Variants in USP14 observed in about 807,000 individuals in gnomAD.
USP14 encodes ubiquitin carboxyl-terminal hydrolase 14.
Under a neutral mutation model 76.5 loss-of-function variants are expected in USP14, and 38 were observed. That is an observed-to-expected ratio of 0.50 (90% confidence interval 0.38 to 0.65). The LOEUF (loss-of-function observed/expected upper bound fraction) is 0.65, where lower values mean the gene tolerates loss of function less well. Ranked by LOEUF, USP14 falls within the 30% of genes least tolerant of loss-of-function variation. The probability of loss-of-function intolerance (pLI) is 0.00; values close to 1 mark genes in which losing one functional copy is unlikely to be tolerated. For missense variants in USP14, 467 were observed against 586.5 expected (o/e 0.80, Z 2.10); for synonymous variants, 192 against 191.7 (o/e 1.00, Z -0.01).
At position 203,172 on chromosome 18, in the gene USP14, G is replaced by T; in HGVS notation, c.1017G>T (p.Val339=). The change falls in exon 12 of 16, where the codon GTG becomes GTT. Residue 339 remains valine, a synonymous_variant. Transcript: ENST00000261601. ...VRFFYKEKES[V]NAKVLKDVKF... ...TTTTTTATAAAGAGAAGGAATCTGT[G>T]AATGCCAAAGTTCTTAAGGTTAGTA... The T allele has an allele frequency of 6.2e-7, 1 of 1,613,820 alleles. No homozygotes were observed. Among genetic ancestry groups the T allele is most frequent in the South Asian group, 1.1e-5 (1 of 90,966 alleles).
chr18:159,182 C>T (rs1358976777), intron 1 of USP14, among the ~76,000 whole-genome samples: 1 of 152,162 alleles, frequency 6.6e-6, no homozygotes, highest in Non-Finnish European at 1.5e-5. Flanking sequence ...CTTCGCCCTT[C>T]TCTTGCCCCT....
chr18:179,231 C>T (rs1384219226), intron 4 of USP14, among the ~76,000 whole-genome samples, 194 bp downstream of exon 4: 1 of 152,044 alleles, frequency 6.6e-6, no homozygotes, highest in Non-Finnish European at 1.5e-5. Flanking sequence ...AAATAAGGCA[C>T]AGCTAGGGGT....
chr18:208,333 T>C (rs1326906322), intron 13 of USP14, among the ~76,000 whole-genome samples: 1 of 152,176 alleles, frequency 6.6e-6, no homozygotes, highest in Non-Finnish European at 1.5e-5. Flanking sequence ...GTAGAGTGTT[T>C]AGTGAGTGAG....
intron 7 of USP14, 127 bp downstream of exon 7, chr18:196,894 C>A: frequency 8.0e-7 from 1 of 1,248,914 alleles, no homozygotes; most frequent in Non-Finnish European, 1.1e-6. Context: ...ACGGCTGTCT[C>A]TTGCCTGGAG....
At chr18:203,273 T>G in intron 12 of USP14, 83 bp downstream of exon 12, 1 of 1,236,362 alleles carries the variant, frequency 8.1e-7, no homozygotes, top group Non-Finnish European at 1.2e-6. Context: ...ATTATTCCTT[T>G]AGGAATAGTT....
chr18:208,841 G>A (rs1910596032), intron 13 of USP14, among the ~76,000 whole-genome samples: 1 of 152,100 alleles, frequency 6.6e-6, no homozygotes, highest in African/African-American at 2.4e-5. Context: ...TGCCTCCTGG[G>A]TTCAAGCAAT....
chr18:197,500 T>C, intron 7 of USP14, 116 bp from the exon 8 acceptor site: 1 of 729,050 alleles, frequency 1.4e-6, no homozygotes, highest in Non-Finnish European at 2.3e-6. Flanking sequence ...TTATTTGGCT[T>C]AATATTTTTA....
At chr18:186,962 G>A (rs1325014534) in intron 5 of USP14, among the ~76,000 whole-genome samples, 1 of 152,130 alleles carries the variant, frequency 6.6e-6, no homozygotes, top group Non-Finnish European at 1.5e-5. Context: ...TGGAGTTAGT[G>A]GGTTAATAAA....
intron 2 of USP14, among the ~76,000 whole-genome samples, chr18:163,902 CTA>C (rs1273392139): frequency 2.0e-5 from 3 of 151,212 alleles, no homozygotes. Context: ...GTCTATGTGT[CTA>C]TGTGTTCTCA....
intron 5 of USP14, among the ~76,000 whole-genome samples, chr18:185,049 T>TA (rs1284414045): frequency 1.3e-5 from 2 of 152,216 alleles, no homozygotes; most frequent in Non-Finnish European, 2.9e-5. Flanking sequence ...CAAAAGACAG[T>TA]ATCACATGGC....
chr18:180,305 C>G lies in USP14; in HGVS notation c.370C>G (p.Arg124Gly), dbSNP rs868742729. The change falls in exon 5 of 16, where the codon CGT (arginine) becomes GGT (glycine). Residue 124 changes from arginine to glycine, a missense_variant. By Grantham distance (125) the Arg-to-Gly change is moderately radical. Coordinates refer to ENST00000261601, the MANE Select transcript of USP14 (RefSeq NM_005151.4). ...CATGAATGCCACAGTTCAGTGTATT[C>G]GTTCTGTGCCTGAACTCAAAGATGC... ...CYMNATVQCIRSVPELKDALK... is the reference protein window; with the variant it reads ...CYMNATVQCIGSVPELKDALK... The G allele has an allele frequency of 6.3e-7, 1 of 1,586,906 alleles. No homozygotes were observed. Among genetic ancestry groups the G allele is most frequent in the East Asian group, 2.3e-5 (1 of 43,382 alleles).
At chr18:158,787 G>A (rs1421915362) in intron 1 of USP14, 73 bp downstream of exon 1, 2 of 1,322,012 alleles carry the variant, frequency 1.5e-6, no homozygotes, top group South Asian at 2.1e-5. Flanking sequence ...TGGCCTGCAC[G>A]GGCGGGCACC....
intron 10 of USP14, among the ~76,000 whole-genome samples, chr18:200,994 G>C (rs1336511355): frequency 6.6e-6 from 1 of 151,980 alleles, no homozygotes; most frequent in African/African-American, 2.4e-5. Flanking sequence ...ATAGAGACAG[G>C]GTTTTGTCAT....
intron 5 of USP14, among the ~76,000 whole-genome samples, chr18:182,156 G>T (rs185975686): frequency 2.4e-4 from 37 of 152,320 alleles, no homozygotes; most frequent in Non-Finnish European, 4.4e-4. Context: ...GAAAGGAAAA[G>T]AGTAAAGAAT....
At chr18:209,313 A>C (rs1319336694) in intron 13 of USP14, among the ~76,000 whole-genome samples, 1 of 152,190 alleles carries the variant, frequency 6.6e-6, no homozygotes, top group Non-Finnish European at 1.5e-5. Flanking sequence ...TCTTGCCATC[A>C]CAGCTACCTG....
chr18:168,654 C>T (rs1424371129), intron 3 of USP14, among the ~76,000 whole-genome samples: 1 of 151,926 alleles, frequency 6.6e-6, no homozygotes, highest in Admixed American at 6.6e-5. Flanking sequence ...AGGCTGGTCT[C>T]GAACTCCTGA....
chr18:184,675 G>T (rs1909879825), intron 5 of USP14, among the ~76,000 whole-genome samples: 1 of 152,128 alleles, frequency 6.6e-6, no homozygotes, highest in Admixed American at 6.5e-5. Context: ...AGGCTGAGGT[G>T]GGAGATTGCT....
chr18:172,530 A>G (rs1909493833), intron 3 of USP14, among the ~76,000 whole-genome samples: 1 of 152,214 alleles, frequency 6.6e-6, no homozygotes, highest in Non-Finnish European at 1.5e-5. Context: ...CAGCACCGCA[A>G]GCTACAGAGA....
chr18:203,031 C>T, intron 11 of USP14, 67 bp from the exon 12 acceptor site: 1 of 1,601,378 alleles, frequency 6.2e-7, no homozygotes, highest in East Asian at 2.2e-5. Context: ...TAATTTTTAC[C>T]ACCAAATAAT....
Sources: gnomAD v4.1 joint callset for allele counts (sites outside exome capture counted in the v4.1 genomes callset) on GRCh38, gnomAD v4.1.1 for gene constraint, MANE v1.5 for transcripts, NCBI Gene and HGNC (gene_info 2026-07-23, HGNC 2026-07-21) for gene names.